CORO2B: variants seen among roughly 807,000 people sequenced by gnomAD.
CORO2B encodes coronin-2B.
In CORO2B, 26 loss-of-function variants were observed where a neutral mutation model predicts 58.8. The observed-to-expected ratio is 0.44, with a 90% CI of 0.32 to 0.61. The LOEUF is 0.61. CORO2B is among the 20% of genes least tolerant of loss of function. The pLI is 0.04. For synonymous variants in CORO2B, 242 were observed against 253.8 expected, an observed-to-expected ratio of 0.95 and a Z score of 0.44; for missense variants, 460 against 645.1, an observed-to-expected ratio of 0.71 and a Z score of 3.11.
At chr15:68,690,829 A>C (rs901052598) in intron 2 of CORO2B, among the ~76,000 whole-genome samples, 1 of 150,692 alleles carries the variant, frequency 6.6e-6, no homozygotes, top group African/African-American at 2.4e-5. Flanking sequence ...TTTTTGGTAT[A>C]TTTTTTGTAA....
intron 1 of CORO2B, among the ~76,000 whole-genome samples, chr15:68,591,718 C>T (rs1566979433): frequency 6.6e-6 from 1 of 152,198 alleles, no homozygotes; most frequent in Non-Finnish European, 1.5e-5. Flanking sequence ...ACCCCATACC[C>T]TAAGATGGGA....
chr15:68,639,276 G>C (rs148208069), intron 1 of CORO2B, among the ~76,000 whole-genome samples: 1 of 152,180 alleles, frequency 6.6e-6, no homozygotes, highest in Non-Finnish European at 1.5e-5. Context: ...CCCTGAACCC[G>C]GCATGGAGTG....
At chr15:68,586,470 C>T (rs530263560) in intron 1 of CORO2B, among the ~76,000 whole-genome samples, 17 of 152,246 alleles carry the variant, frequency 1.1e-4, no homozygotes, top group African/African-American at 3.4e-4. Context: ...AATGGGCAAA[C>T]GTCAGGAGTC....
chr15:68,633,171 A>G (rs1001172804), intron 1 of CORO2B, among the ~76,000 whole-genome samples: 1 of 152,010 alleles, frequency 6.6e-6, no homozygotes, highest in Admixed American at 6.5e-5. Context: ...CTGGACAGTC[A>G]TGCAGAATGC....
intron 1 of CORO2B, among the ~76,000 whole-genome samples, chr15:68,611,603 A>C (rs914536066): frequency 1.3e-5 from 2 of 152,122 alleles, no homozygotes; most frequent in Non-Finnish European, 2.9e-5. Context: ...TCCTAGATGG[A>C]TGTAAAATAA....
Position 68,685,035 on chromosome 15 carries a change from A to C in CORO2B, c.217-10105A>C, listed in dbSNP as rs541724688. On this transcript the variant is annotated intron_variant, in intron 2 of 11. Coordinates refer to ENST00000261861, the MANE Select transcript of CORO2B (RefSeq NM_006091.5). ...GATGATAGGGGTGGCCCATGAAAAA[A>C]CATCTTTCATACTGAGGCTTGGGAT... 7.0e-4 allele frequency among the ~76,000 whole-genome samples: 106 copies of C among 152,232 alleles called. 2 individuals carry two copies. In the South Asian group the frequency reaches 0.021, roughly 30 times the overall value.
At position 68,647,813 on chromosome 15, in the gene CORO2B, G is replaced by C. The variant is rs911801735; in HGVS notation, c.216+2453G>C. On this transcript the variant is annotated intron_variant, in intron 2 of 11. Coordinates refer to ENST00000261861, the MANE Select transcript of CORO2B (RefSeq NM_006091.5). ...ACTTAACCCCAGGAGTTTGAGACCAGTCTGGGCAACATAGTGAGGCCCTGA... is the reference window on the plus strand; with the variant it reads ...ACTTAACCCCAGGAGTTTGAGACCACTCTGGGCAACATAGTGAGGCCCTGA... 5.3e-5 allele frequency among the ~76,000 whole-genome samples: 8 copies of C among 150,708 alleles called. No individual in the cohort carries two copies. In the Middle Eastern group the frequency reaches 0.01, roughly 192 times the overall value.
chr15:68,636,448 C>T (rs1901035302), intron 1 of CORO2B, among the ~76,000 whole-genome samples: 1 of 152,186 alleles, frequency 6.6e-6, no homozygotes, highest in South Asian at 2.1e-4. Flanking sequence ...GCGTATCCTC[C>T]CCTCTAGAGA....
intron 1 of CORO2B, among the ~76,000 whole-genome samples, chr15:68,632,518 T>C (rs946004207): frequency 1.3e-5 from 2 of 152,214 alleles, no homozygotes; most frequent in Non-Finnish European, 2.9e-5. Context: ...GATGTTGGAA[T>C]GTGAATTTTT....
At chr15:68,570,771 G>A in the CORO2B span, among the ~76,000 whole-genome samples, 4 of 151,300 alleles carry the variant, frequency 2.6e-5, no homozygotes, top group African/African-American at 7.3e-5. Flanking sequence ...AGAAAGAGCC[G>A]AGGATGGACC....
At chr15:68,574,823 G>A (rs147780148), upstream of CORO2B, among the ~76,000 whole-genome samples, 331 of 152,348 alleles carry the variant, frequency 2.2e-3, no homozygotes, top group Non-Finnish European at 3.5e-3. Context: ...ATGCAGAGCT[G>A]ACACTTGAGC....
At chr15:68,554,201 G>A in the CORO2B span, among the ~76,000 whole-genome samples, 4 of 152,148 alleles carry the variant, frequency 2.6e-5, 1 homozygote, top group South Asian at 8.3e-4. Flanking sequence ...CCAGTAGGTG[G>A]CGCTATTGGT....
chr15:68,702,821 C>CTTTTTTTTTTTTTTTTTTTTTTTT (rs113249272), intron 3 of CORO2B, among the ~76,000 whole-genome samples: 7 of 96,254 alleles, frequency 7.3e-5, no homozygotes, highest in Non-Finnish European at 9.6e-5. Context: ...TTTTCTTTTT[C>CTTTTTTTTTTTTTTTTTTTTTTTT]TTTTTTTTTT....
the CORO2B span, among the ~76,000 whole-genome samples, chr15:68,528,702 T>TTC: frequency 2.8e-3 from 422 of 150,512 alleles, 2 homozygotes; most frequent in African/African-American, 9.2e-3. Flanking sequence ...TTTTTTTTTT[T>TTC]TTTGAATTGG....
chr15:68,522,842 G>A, the CORO2B span, among the ~76,000 whole-genome samples: 5 of 152,046 alleles, frequency 3.3e-5, no homozygotes, highest in Non-Finnish European at 5.9e-5. Context: ...TTTTTCCTGC[G>A]TGTTTTTCTT....
chr15:68,711,193 CA>C (rs1217898916), intron 4 of CORO2B, among the ~76,000 whole-genome samples: 1 of 152,058 alleles, frequency 6.6e-6, no homozygotes, highest in Non-Finnish European at 1.5e-5. Flanking sequence ...AAGGGGTAAC[CA>C]AAGCTGCTGG....
intron 1 of CORO2B, among the ~76,000 whole-genome samples, chr15:68,611,084 C>A (rs574022683): frequency 6.6e-6 from 1 of 152,240 alleles, no homozygotes; most frequent in South Asian, 2.1e-4. Flanking sequence ...AGAAAATGCG[C>A]CCCACCACTG....
chr15:68,639,528 G>A (rs981384273), intron 1 of CORO2B, among the ~76,000 whole-genome samples: 2 of 152,228 alleles, frequency 1.3e-5, no homozygotes, highest in African/African-American at 4.8e-5. Context: ...CAGGGTGGCA[G>A]AACCAAGGTG....
intron 2 of CORO2B, among the ~76,000 whole-genome samples, chr15:68,672,186 A>T (rs867497979): frequency 1.9e-4 from 2 of 10,628 alleles, no homozygotes; most frequent in Non-Finnish European, 2.9e-4. Context: ...GTGTGTGTGT[A>T]CTTTTTTGGT....
Sources: allele counts gnomAD v4.1 joint callset (sites outside exome capture counted in the v4.1 genomes callset), GRCh38; gene constraint gnomAD v4.1.1; transcripts MANE v1.5; gene names NCBI Gene and HGNC (gene_info 2026-07-23, HGNC 2026-07-21).